NCOA2: variants seen among roughly 807,000 people sequenced by gnomAD.
NCOA2 encodes class E basic helix-loop-helix protein 75.
A neutral mutation model predicts 145.1 loss-of-function variants in NCOA2; 21 were observed. That is an observed-to-expected ratio of 0.14 (90% CI 0.10 to 0.21). The LOEUF is 0.21. Ranked by LOEUF, NCOA2 falls within the 10% of genes least tolerant of loss-of-function variation. The probability of loss-of-function intolerance (pLI) is 1.00; values close to 1 mark genes in which losing one functional copy is unlikely to be tolerated. For synonymous variants in NCOA2, 619 were observed against 637.5 expected (o/e 0.97, Z 0.44); for missense variants, 1,472 against 1,837.6 (o/e 0.80, Z 3.64).
intron 1 of NCOA2, among the ~76,000 whole-genome samples, chr8:70,297,815 T>A (rs1189429480): frequency 6.6e-6 from 1 of 152,350 alleles, no homozygotes; most frequent in Non-Finnish European, 1.5e-5. Context: ...CCTGCAGCTT[T>A]TCGTCTGATC....
At chr8:70,141,956 CCAAGGCAAGGGAGTT>C in intron 13 of NCOA2, among the ~76,000 whole-genome samples, 2 of 152,178 alleles carry the variant, frequency 1.3e-5, no homozygotes, top group African/African-American at 4.8e-5. Flanking sequence ...TTCTTCATAG[CCAAGGCAAGGGAGTT>C]CCTTGCCTTG....
the NCOA2 span, among the ~76,000 whole-genome samples, chr8:70,443,644 C>T: frequency 6.6e-6 from 1 of 152,062 alleles, no homozygotes; most frequent in East Asian, 1.9e-4. Flanking sequence ...TAGTTTACTG[C>T]AGCCTTGAAC....
intron 1 of NCOA2, among the ~76,000 whole-genome samples, chr8:70,370,201 A>G (rs551398076): frequency 6.6e-6 from 1 of 152,274 alleles, no homozygotes; most frequent in East Asian, 1.9e-4. Flanking sequence ...CTAAATATTT[A>G]AAAACACGCA....
intron 4 of NCOA2, among the ~76,000 whole-genome samples, chr8:70,206,298 G>C (rs113936283): frequency 7.3e-6 from 1 of 137,224 alleles, no homozygotes; most frequent in South Asian, 2.3e-4. Flanking sequence ...GTCCAGCTCT[G>C]TCATTGTGAG....
At chr8:70,298,917 C>A (rs922112684) in intron 1 of NCOA2, among the ~76,000 whole-genome samples, 1 of 151,974 alleles carries the variant, frequency 6.6e-6, no homozygotes, top group Admixed American at 6.6e-5. Context: ...AAAAATTAGC[C>A]GGCCGTGGTG....
chr8:70,406,674 A>G (rs1169924798), upstream of NCOA2, among the ~76,000 whole-genome samples: 1 of 152,266 alleles, frequency 6.6e-6, no homozygotes, highest in Non-Finnish European at 1.5e-5. Flanking sequence ...GACAAATTAT[A>G]TATTTAACAA....
rs140259220 is a variant in NCOA2 at position 70,373,842 on chromosome 8, T to C, written c.-77+29858A>G. Among the ~76,000 whole-genome samples the C allele has an allele frequency of 2.0e-3, 299 of 152,358 alleles. 3 individuals are homozygous for C. Among genetic ancestry groups the C allele is most frequent in the Admixed American group, 0.015 (237 of 15,300 alleles). On this transcript the variant is annotated intron_variant, in intron 1 of 22. Coordinates refer to ENST00000452400, the MANE Select transcript of NCOA2 (RefSeq NM_006540.4). ...ATAACGTGGGTCTATTTGAGGGCTA[T>C]ATTCTGCTCCATTGATCTATATGTT...
chr8:70,196,160 G>A (rs1266504043), intron 4 of NCOA2, among the ~76,000 whole-genome samples: 1 of 152,116 alleles, frequency 6.6e-6, no homozygotes, highest in Non-Finnish European at 1.5e-5. Flanking sequence ...GGCAGATCAC[G>A]AGGTCAGGAG....
chr8:70,119,215 A>C (rs905948940), intron 22 of NCOA2, among the ~76,000 whole-genome samples: 1 of 152,084 alleles, frequency 6.6e-6, no homozygotes, highest in Non-Finnish European at 1.5e-5. Context: ...CTGCCCTCAC[A>C]GTCACCCTTC....
chr8:70,446,911 G>C, the NCOA2 span, among the ~76,000 whole-genome samples: 1 of 152,134 alleles, frequency 6.6e-6, no homozygotes, highest in Non-Finnish European at 1.5e-5. Context: ...GATTTGTCCT[G>C]TCCTTGGAAG....
At chr8:70,164,667 G>A (rs1020025195) in intron 7 of NCOA2, among the ~76,000 whole-genome samples, 1 of 152,000 alleles carries the variant, frequency 6.6e-6, no homozygotes, top group African/African-American at 2.4e-5. Context: ...TAACTTGGCT[G>A]TTCCTGAATT....
chr8:70,314,246 T>G (rs1041599028), intron 1 of NCOA2, among the ~76,000 whole-genome samples: 2 of 143,130 alleles, frequency 1.4e-5, no homozygotes, highest in African/African-American at 5.2e-5. Flanking sequence ...GTAAGTCATA[T>G]TTTAAAATAA....
At position 70,167,495 on chromosome 8, in the gene NCOA2, A is replaced by G. The variant is rs190815728; in HGVS notation, c.542-741T>C. Among the ~76,000 whole-genome samples, 127 of 152,202 alleles carry G rather than the reference A, an allele frequency of 8.3e-4. 1 individual carries two copies. The highest frequency in any genetic ancestry group is 3.0e-3 in the African/African-American group (123 of 41,552). ...GTCCTCTACAATCAATACTTTACTA[A>G]CTACTCCCCCATACTGCCTCCTTGG... On this transcript the variant is annotated intron_variant, in intron 6 of 22. Transcript: ENST00000452400.
intron 10 of NCOA2, among the ~76,000 whole-genome samples, chr8:70,159,242 A>ATATATATATTTT: frequency 1.6e-4 from 10 of 61,076 alleles, no homozygotes; most frequent in African/African-American, 3.8e-4. Flanking sequence ...ATATATATAT[A>ATATATATATTTT]TTTTTTTTTT....
At chr8:70,429,229 A>T in the NCOA2 span, among the ~76,000 whole-genome samples, 1 of 152,212 alleles carries the variant, frequency 6.6e-6, no homozygotes, top group Non-Finnish European at 1.5e-5. Context: ...AAATATGTGC[A>T]TGGGTGCTGG....
At position 70,354,676 on chromosome 8, in the gene NCOA2, G is replaced by C. The variant is rs185045594; in HGVS notation, c.-77+49024C>G. ...AGTCTCTTGACAATGGTATCTACTAGGAAAATACTCGTATCTCTTAGATGA... is the reference window on the plus strand; with the variant it reads ...AGTCTCTTGACAATGGTATCTACTACGAAAATACTCGTATCTCTTAGATGA... On this transcript the variant is annotated intron_variant, in intron 1 of 22. Transcript: ENST00000452400. 2.4e-3 allele frequency among the ~76,000 whole-genome samples: 365 copies of C among 152,204 alleles called. 2 individuals are homozygous for C. Among genetic ancestry groups the C allele is most frequent in the African/African-American group, 8.2e-3 (342 of 41,526 alleles).
the NCOA2 span, among the ~76,000 whole-genome samples, chr8:70,437,982 A>G: frequency 6.6e-6 from 1 of 152,234 alleles, no homozygotes; most frequent in Non-Finnish European, 1.5e-5. Flanking sequence ...AGTTCATTAA[A>G]TCACCCACAT....
At chr8:70,202,300 C>T (rs564926239) in intron 4 of NCOA2, among the ~76,000 whole-genome samples, 6 of 152,240 alleles carry the variant, frequency 3.9e-5, no homozygotes, top group African/African-American at 1.2e-4. Context: ...AATTTAAATG[C>T]AGAATTACCA....
rs145147508 is a variant in NCOA2 at position 70,241,116 on chromosome 8, A to G, written c.-19-24352T>C. ...TATGGAATCCCTGGTATCTGTAAACAAGGATCTTTATTTGGATTCTCTGTG... is the reference window on the plus strand; with the variant it reads ...TATGGAATCCCTGGTATCTGTAAACGAGGATCTTTATTTGGATTCTCTGTG... On this transcript the variant is annotated intron_variant, in intron 2 of 22. Coordinates refer to ENST00000452400, the MANE Select transcript of NCOA2 (RefSeq NM_006540.4). Among the ~76,000 whole-genome samples, 317 of 152,268 alleles carry G rather than the reference A, an allele frequency of 2.1e-3. 1 individual carries two copies. Among genetic ancestry groups the G allele is most frequent in the Admixed American group, 4.3e-3 (65 of 15,270 alleles).
Sources: gnomAD v4.1 joint callset for allele counts (sites outside exome capture counted in the v4.1 genomes callset) on GRCh38, gnomAD v4.1.1 for gene constraint, MANE v1.5 for transcripts, NCBI Gene and HGNC (gene_info 2026-07-23, HGNC 2026-07-21) for gene names.